Variants in GOLGA5 observed in about 807,000 individuals in gnomAD.
GOLGA5 encodes the protein golgin A5.
GOLGA5 carries 50 observed loss-of-function variants against 93.5 expected under a neutral mutation model. That is an observed-to-expected ratio of 0.53 (90% CI 0.43 to 0.68). GOLGA5 has a LOEUF of 0.68. Ranked by LOEUF, GOLGA5 falls within the 30% of genes least tolerant of loss-of-function variation. The pLI, the probability that GOLGA5 is intolerant of heterozygous loss-of-function variation, is 0.00. For missense variants in GOLGA5, 760 were observed against 856.4 expected (o/e 0.89, Z 1.40); for synonymous variants, 312 against 304.5 (o/e 1.02, Z -0.26).
rs556819387 is a variant in GOLGA5, at chr14:92,796,962, G to A, written c.-30-446G>A. Among the ~76,000 whole-genome samples the A allele has an allele frequency of 2.9e-4, 27 of 91,814 alleles. 1 individual carries two copies. Among genetic ancestry groups the A allele is most frequent in the African/African-American group, 1.0e-3 (20 of 19,374 alleles). The allele number at this position is 91,814 out of a possible 152,430, so 60.2% of individuals were successfully genotyped here. On this transcript the variant is annotated intron_variant, in intron 1 of 12. Transcript: ENST00000163416. ...TCCGCAGTCCGGCCTGGGCGACAGA[G>A]CGAGACTCCGTCTCAAAAAAAAAAA...
chr14:92,808,928 G>C (rs1885047616), intron 3 of GOLGA5, among the ~76,000 whole-genome samples: 1 of 152,120 alleles, frequency 6.6e-6, no homozygotes, highest in South Asian at 2.1e-4. Context: ...TTTAGGTTTT[G>C]TTTTGTTCTT....
chr14:92,821,404 A>G (rs2140327641), intron 8 of GOLGA5, among the ~76,000 whole-genome samples: 1 of 152,312 alleles, frequency 6.6e-6, no homozygotes, highest in African/African-American at 2.4e-5. Context: ...TACTCATATA[A>G]TAGTTTCAGT....
chr14:92,829,194 C>T (rs1885479133), intron 9 of GOLGA5, among the ~76,000 whole-genome samples: 1 of 152,144 alleles, frequency 6.6e-6, no homozygotes, highest in Non-Finnish European at 1.5e-5. Context: ...AACTCCTAGG[C>T]TCAAGTAATC....
At chr14:92,819,952 C>A in intron 8 of GOLGA5, 116 bp downstream of exon 8, 2 of 905,010 alleles carry the variant, frequency 2.2e-6, no homozygotes, top group Non-Finnish European at 3.3e-6. Context: ...GGTTACCCCA[C>A]AAGTTCCTCC....
At chr14:92,830,451 T>C (rs2140333765) in intron 9 of GOLGA5, among the ~76,000 whole-genome samples, 1 of 152,218 alleles carries the variant, frequency 6.6e-6, no homozygotes, top group East Asian at 1.9e-4. Flanking sequence ...GTTAGTGTAT[T>C]TTGTGTGTGG....
intron 7 of GOLGA5, among the ~76,000 whole-genome samples, chr14:92,817,474 A>G (rs902806845): frequency 2.0e-5 from 3 of 152,180 alleles, no homozygotes; most frequent in Admixed American, 1.3e-4. Context: ...TTCTAATTAC[A>G]GTTTTATCCT....
intron 7 of GOLGA5, among the ~76,000 whole-genome samples, chr14:92,818,532 T>G (rs987499394): frequency 1.3e-5 from 2 of 152,212 alleles, no homozygotes; most frequent in African/African-American, 4.8e-5. Context: ...GTCAAATTGA[T>G]GACAAAGATT....
At chr14:92,813,936 GAT>G (rs1885151697) in intron 6 of GOLGA5, among the ~76,000 whole-genome samples, 1 of 152,016 alleles carries the variant, frequency 6.6e-6, no homozygotes, top group African/African-American at 2.4e-5. Context: ...TAACTGGAAG[GAT>G]GGGGGAAAAA....
At chr14:92,837,830 C>T (rs766810353) in intron 12 of GOLGA5, among the ~76,000 whole-genome samples, 1 of 152,156 alleles carries the variant, frequency 6.6e-6, no homozygotes, top group East Asian at 1.9e-4. Flanking sequence ...TCTCAGAGTG[C>T]TGGGATTTCA....
chr14:92,809,778 A>AC (rs1885066782), intron 4 of GOLGA5, among the ~76,000 whole-genome samples: 1 of 151,882 alleles, frequency 6.6e-6, no homozygotes, highest in Non-Finnish European at 1.5e-5. Flanking sequence ...ACATGGAGAA[A>AC]CCCCGTCTCT....
intron 2 of GOLGA5, among the ~76,000 whole-genome samples, chr14:92,803,274 G>T (rs1008983545): frequency 6.6e-6 from 1 of 152,158 alleles, no homozygotes; most frequent in East Asian, 1.9e-4. Context: ...GAGCTGAAGG[G>T]ATCCTCCTGT....
intron 9 of GOLGA5, among the ~76,000 whole-genome samples, chr14:92,830,057 G>A (rs570155084): frequency 8.1e-4 from 123 of 152,142 alleles, no homozygotes; most frequent in Non-Finnish European, 1.4e-3. Context: ...GGTGGTTCAC[G>A]CCTGTAAGCC....
chr14:92,811,195 A>G (rs572899006), intron 5 of GOLGA5, among the ~76,000 whole-genome samples: 1 of 152,368 alleles, frequency 6.6e-6, no homozygotes, highest in South Asian at 2.1e-4. Flanking sequence ...GAAACAGTTG[A>G]TCAGCTAGTA....
Position 92,835,628 on chromosome 14 carries a change from A to G in GOLGA5, c.2015A>G (p.Lys672Arg). Residue 672 changes from lysine to arginine, a missense_variant, in exon 11 of 13, where the codon AAA becomes AGA. Physicochemically the swap from Lys to Arg is conservative, Grantham distance 26. Transcript: ENST00000163416. ...TETNLAGMYG[K>R]VRKAASSIDQ... ...ACTAATCTGGCAGGAATGTACGGAAAAGTTCGCAAAGCTGCTAGTTCAATT... is the reference window on the plus strand; with the variant it reads ...ACTAATCTGGCAGGAATGTACGGAAGAGTTCGCAAAGCTGCTAGTTCAATT... The G allele has an allele frequency of 1.2e-6, 2 of 1,613,272 alleles. No homozygotes were observed. The highest frequency in any genetic ancestry group is 1.3e-5 in the African/African-American group (1 of 75,042).
At chr14:92,835,518 T>C (rs1885623787) in intron 10 of GOLGA5, 41 bp from the exon 11 acceptor site, 1 of 1,371,054 alleles carries the variant, frequency 7.3e-7, no homozygotes, top group East Asian at 2.3e-5. Flanking sequence ...TCTTAGTTAA[T>C]TTTTATGTCA....
At chr14:92,800,596 T>G (rs1884849632) in intron 2 of GOLGA5, among the ~76,000 whole-genome samples, 1 of 152,222 alleles carries the variant, frequency 6.6e-6, no homozygotes, top group Non-Finnish European at 1.5e-5. Flanking sequence ...ACAACAGGCT[T>G]TAGAATCGCT....
intron 9 of GOLGA5, among the ~76,000 whole-genome samples, chr14:92,832,046 T>TTAAAGTG (rs1344936698): frequency 6.6e-6 from 1 of 152,170 alleles, no homozygotes; most frequent in Non-Finnish European, 1.5e-5. Flanking sequence ...TGAAGCTGAC[T>TTAAAGTG]TACAGTGTCA....
chr14:92,808,090 TGGG>T (rs1404447478), intron 3 of GOLGA5, among the ~76,000 whole-genome samples: 3 of 152,010 alleles, frequency 2.0e-5, no homozygotes, highest in Non-Finnish European at 4.4e-5. Flanking sequence ...AAAAATTAGC[TGGG>T]CATGGTGGCG....
intron 1 of GOLGA5, among the ~76,000 whole-genome samples, chr14:92,796,972 G>C (rs1332159763): frequency 2.0e-5 from 1 of 49,374 alleles, no homozygotes; most frequent in Admixed American, 3.2e-4. Flanking sequence ...GCGAGACTCC[G>C]TCTCAAAAAA....
Sources: allele counts gnomAD v4.1 joint callset (sites outside exome capture counted in the v4.1 genomes callset), GRCh38; gene constraint gnomAD v4.1.1; transcripts MANE v1.5; gene names NCBI Gene and HGNC (gene_info 2026-07-23, HGNC 2026-07-21).